Variants in CEP85L observed in about 807,000 individuals in gnomAD.
CEP85L encodes the protein centrosomal protein 85L, also known as centrosomal protein of 85 kDa-like.
In CEP85L, 60 loss-of-function variants were observed where a neutral mutation model predicts 100.3. That is an observed-to-expected ratio of 0.60 (90% CI 0.49 to 0.74). CEP85L has a LOEUF of 0.74. Among genes scored for constraint, CEP85L ranks in the 30% least tolerant of loss-of-function variants. The pLI is 0.00. For missense variants in CEP85L, 973 were observed against 936.2 expected (o/e 1.04, Z -0.51); for synonymous variants, 319 against 322.7 (o/e 0.99, Z 0.12).
chr6:118,588,085 CT>C (rs1413522122), intron 2 of CEP85L, among the ~76,000 whole-genome samples: 4 of 152,212 alleles, frequency 2.6e-5, no homozygotes, highest in African/African-American at 9.6e-5. Context: ...ACAGCATCAT[CT>C]GGGGACATCC....
Position 118,469,133 on chromosome 6 carries a change from A to G in CEP85L, c.2193T>C (p.Ser731=). 2 of 1,614,042 alleles carry G rather than the reference A, an allele frequency of 1.2e-6. No individual in the cohort carries two copies. Among genetic ancestry groups the G allele is most frequent in the East Asian group, 2.2e-5 (1 of 44,868 alleles). ...TGCCCTGAGCACGCTGATTAAGAAT[A>G]CTACACAATGCTTTCAAGTCAAACA... The part of the protein sequence containing the change: ...CCLFDLKALC[S]ILNQRAQGKE... Residue 731 remains serine, a synonymous_variant, in exon 12 of 13, where the codon AGT becomes AGC. Coordinates refer to ENST00000368491, the MANE Select transcript of CEP85L (RefSeq NM_001042475.3).
upstream of CEP85L, among the ~76,000 whole-genome samples, chr6:118,653,965 G>A (rs890738150): frequency 6.6e-6 from 1 of 152,178 alleles, no homozygotes; most frequent in African/African-American, 2.4e-5. Flanking sequence ...TGAAAAATAA[G>A]TGTTGCATTT....
chr6:118,629,544 G>A (rs935115822), intron 2 of CEP85L, among the ~76,000 whole-genome samples: 2 of 152,240 alleles, frequency 1.3e-5, no homozygotes, highest in Non-Finnish European at 2.9e-5. Flanking sequence ...TAAGTAGGAT[G>A]TGGAGCAACA....
intron 5 of CEP85L, among the ~76,000 whole-genome samples, chr6:118,500,968 C>T (rs974389635): frequency 4.6e-5 from 7 of 152,190 alleles, no homozygotes; most frequent in Admixed American, 4.6e-4. Flanking sequence ...GTCTTGATCT[C>T]GCTTATTTTT....
chr6:118,616,000 GT>G (rs546509961), intron 2 of CEP85L, among the ~76,000 whole-genome samples: 236 of 152,126 alleles, frequency 1.6e-3, no homozygotes, highest in African/African-American at 5.4e-3. Flanking sequence ...TTTAAGTTCT[GT>G]GATTCTTTAT....
chr6:118,530,433 G>A (rs376875456), intron 3 of CEP85L, among the ~76,000 whole-genome samples: 2 of 150,572 alleles, frequency 1.3e-5, no homozygotes, highest in Admixed American at 1.3e-4. Context: ...GGCAAAAGCT[G>A]GAAGCATTCC....
intron 3 of CEP85L, chr6:118,559,710 G>A (rs957736766): frequency 5.9e-6 from 1 of 168,504 alleles, no homozygotes; most frequent in Non-Finnish European, 1.4e-5. Flanking sequence ...GGAAAAGTAA[G>A]GCCATACTCT....
chr6:118,649,846 T>C (rs1775427706), intron 1 of CEP85L, among the ~76,000 whole-genome samples: 2 of 152,238 alleles, frequency 1.3e-5, no homozygotes, highest in African/African-American at 4.8e-5. Context: ...ATACATTAAG[T>C]GTTTCAGGAC....
chr6:118,472,832 G>A (rs1437264751), intron 10 of CEP85L, among the ~76,000 whole-genome samples: 1 of 152,116 alleles, frequency 6.6e-6, no homozygotes, highest in Non-Finnish European at 1.5e-5. Context: ...GTTTAATCAT[G>A]ACATTTAAAA....
intron 4 of CEP85L, 44 bp from the exon 5 acceptor site, chr6:118,511,459 T>C: frequency 7.7e-7 from 1 of 1,291,794 alleles, no homozygotes; most frequent in Non-Finnish European, 1.1e-6. Context: ...TATAATTTTC[T>C]AATAGTTAGA....
At chr6:118,615,982 A>T (rs1286869676) in intron 2 of CEP85L, among the ~76,000 whole-genome samples, 1 of 152,188 alleles carries the variant, frequency 6.6e-6, no homozygotes, top group Admixed American at 6.5e-5. Context: ...AGCCGTAAGT[A>T]TAACAACTTT....
intron 2 of CEP85L, chr6:118,589,082 A>G: frequency 3.2e-6 from 1 of 315,736 alleles, no homozygotes; most frequent in Non-Finnish European, 6.6e-6. Context: ...GAACGGAGAC[A>G]GCACCTTTGC....
At chr6:118,502,873 A>G in intron 5 of CEP85L, 1 of 561,078 alleles carries the variant, frequency 1.8e-6, no homozygotes, top group Non-Finnish European at 3.3e-6. Context: ...ACAACTTTGT[A>G]GATTTAACAG....
chr6:118,527,824 GAGT>G (rs1409225703), intron 3 of CEP85L, among the ~76,000 whole-genome samples: 6 of 151,908 alleles, frequency 3.9e-5, no homozygotes, highest in African/African-American at 9.7e-5. Context: ...TTTACCTACT[GAGT>G]TATACATTAT....
intron 1 of CEP85L, among the ~76,000 whole-genome samples, chr6:118,638,041 G>A (rs1300536524): frequency 6.6e-6 from 1 of 151,854 alleles, no homozygotes; most frequent in African/African-American, 2.4e-5. Context: ...ACTGATAATG[G>A]TAATGTTAAT....
intron 2 of CEP85L, among the ~76,000 whole-genome samples, chr6:118,592,585 C>T (rs551015171): frequency 6.6e-6 from 1 of 152,056 alleles, no homozygotes; most frequent in South Asian, 2.1e-4. Context: ...GTATTATTCA[C>T]CAATGAATTG....
At chr6:118,637,490 G>A (rs1232455301) in intron 1 of CEP85L, among the ~76,000 whole-genome samples, 1 of 149,432 alleles carries the variant, frequency 6.7e-6, no homozygotes. Flanking sequence ...TTGAGTTCAA[G>A]AGTTTAAGAC....
chr6:118,488,070 T>G (rs1372170531), intron 6 of CEP85L, among the ~76,000 whole-genome samples: 1 of 152,092 alleles, frequency 6.6e-6, no homozygotes, highest in Non-Finnish European at 1.5e-5. Context: ...CCAGACTGAT[T>G]AGTGAGGGTC....
At chr6:118,702,699 A>T (rs764521811) in intron 1 of CEP85L, among the ~76,000 whole-genome samples, 2 of 152,276 alleles carry the variant, frequency 1.3e-5, no homozygotes, top group South Asian at 2.1e-4. Flanking sequence ...AACTTTTTTC[A>T]TCAAGAGCTG....
Sources: allele counts gnomAD v4.1 joint callset (sites outside exome capture counted in the v4.1 genomes callset), GRCh38; gene constraint gnomAD v4.1.1; transcripts MANE v1.5; gene names NCBI Gene and HGNC (gene_info 2026-07-23, HGNC 2026-07-21).